Variants in ERCC6 observed in about 807,000 individuals in gnomAD.
ERCC6 encodes the protein DNA excision repair protein ERCC-6.
Under a neutral mutation model 158.7 loss-of-function variants are expected in ERCC6, and 116 were observed. That is an observed-to-expected ratio of 0.73 (90% CI 0.63 to 0.85). ERCC6 has a LOEUF of 0.85. ERCC6 is among the 40% of genes least tolerant of loss of function. ERCC6 has a pLI of 0.00. For missense variants in ERCC6, 1,698 were observed against 1,799.4 expected, an observed-to-expected ratio of 0.94 and a Z score of 1.02; for synonymous variants, 678 against 659.3, an observed-to-expected ratio of 1.03 and a Z score of -0.43.
rs923535659 is a variant in ERCC6, at chr10:49,524,620, GC to G, written c.809del (p.Gly270AlafsTer59). On this transcript the variant is annotated frameshift_variant, in exon 5 of 21. Coordinates refer to ENST00000355832, the MANE Select transcript of ERCC6 (RefSeq NM_000124.4). LOFTEE classifies it high-confidence loss of function. ...PRKIMLNEASGFEKYLADQAK... is the reference protein window; with the variant it reads ...PRKIMLNEASXFEKYLADQAK... ...CTTGATCTGCCAAATACTTTTCGAA[GC>G]CTGATGCTTCATTAAGCATGATTTT... The G allele has an allele frequency of 6.2e-7, 1 of 1,613,996 alleles. No individual in the cohort carries two copies. Among genetic ancestry groups the G allele is most frequent in the African/African-American group, 1.3e-5 (1 of 74,894 alleles).
At chr10:49,537,875 A>G (rs1383745808) in intron 1 of ERCC6, among the ~76,000 whole-genome samples, 1 of 152,194 alleles carries the variant, frequency 6.6e-6, no homozygotes, top group Non-Finnish European at 1.5e-5. Context: ...GGCATATGCC[A>G]TCATGCCCGG....
At position 49,483,446 on chromosome 10, in the gene ERCC6, A is replaced by C; in HGVS notation, c.1892T>G (p.Met631Arg). ...GTCATACCTGCTAATGTCATCCTGCATCAATCGAATGTAGGAGTAAGATGT... is the reference window on the plus strand; with the variant it reads ...GTCATACCTGCTAATGTCATCCTGCCTCAATCGAATGTAGGAGTAAGATGT... The part of the protein sequence containing the change: ...LITSYSYIRL[M>R]QDDISRYDWH... Residue 631 changes from methionine to arginine, a missense_variant, in exon 9 of 21, where the codon ATG becomes AGG. Transcript: ENST00000355832. The C allele has an allele frequency of 6.2e-7, 1 of 1,614,174 alleles. No homozygotes were observed. Among genetic ancestry groups the C allele is most frequent in the Non-Finnish European group, 8.5e-7 (1 of 1,179,994 alleles).
chr10:49,474,512 T>A (rs1850840408), intron 12 of ERCC6, among the ~76,000 whole-genome samples: 1 of 152,180 alleles, frequency 6.6e-6, no homozygotes, highest in South Asian at 2.1e-4. Context: ...GATAATTCAT[T>A]TTCCCTCACT....
intron 18 of ERCC6, among the ~76,000 whole-genome samples, chr10:49,469,683 T>A (rs948729012): frequency 2.0e-5 from 3 of 152,180 alleles, no homozygotes; most frequent in African/African-American, 7.2e-5. Context: ...TGCTAAGGGA[T>A]CACTAAGCAG....
Position 49,532,582 on chromosome 10 carries a change from T to A in ERCC6, c.383A>T (p.Asp128Val). The change falls in exon 2 of 21, where the codon GAC (aspartate) becomes GTC (valine). Residue 128 changes from aspartate (D) to valine (V), a missense_variant. By Grantham distance (152) the Asp-to-Val change is radical. Coordinates refer to ENST00000355832, the MANE Select transcript of ERCC6 (RefSeq NM_000124.4). Reference sequence around the variant, plus strand: ...GACCGACCGATACTCCTTCTCCACGTCAACGAGCTGGGAGGCACGGCTGGC... The same window carrying A: ...GACCGACCGATACTCCTTCTCCACGACAACGAGCTGGGAGGCACGGCTGGC... Reference protein sequence around the residue: ...HEASRASQLVDVEKEYRSVLD... With the variant: ...HEASRASQLVVVEKEYRSVLD... 6.2e-7 allele frequency: 1 copy of A among 1,614,180 alleles called. No homozygotes were observed. Among genetic ancestry groups the A allele is most frequent in the South Asian group, 1.1e-5 (1 of 91,076 alleles).
intron 10 of ERCC6, among the ~76,000 whole-genome samples, chr10:49,481,169 G>A (rs1052516429): frequency 2.0e-5 from 3 of 152,194 alleles, no homozygotes; most frequent in Admixed American, 2.0e-4. Context: ...CATGGAAAGA[G>A]GTGTGGGAGA....
chr10:49,526,478 C>G (rs1431773954), intron 4 of ERCC6, among the ~76,000 whole-genome samples: 1 of 151,952 alleles, frequency 6.6e-6, no homozygotes, highest in Non-Finnish European at 1.5e-5. Flanking sequence ...AGATTTGAGT[C>G]CTTTGATTCA....
chr10:49,512,028 A>G (rs548763487), intron 5 of ERCC6, among the ~76,000 whole-genome samples: 3 of 152,356 alleles, frequency 2.0e-5, no homozygotes, highest in Non-Finnish European at 2.9e-5. Flanking sequence ...TTCAGATGCT[A>G]TAACAGTTGG....
downstream of ERCC6, among the ~76,000 whole-genome samples, chr10:49,452,236 C>G (rs1338199062): frequency 6.6e-6 from 1 of 151,820 alleles, no homozygotes; most frequent in African/African-American, 2.4e-5. Flanking sequence ...GCATTTACAC[C>G]TATAAATTTC....
chr10:49,475,223 C>T, intron 12 of ERCC6: 1 of 300,716 alleles, frequency 3.3e-6, no homozygotes, highest in Non-Finnish European at 6.6e-6. Context: ...GAAGACAGAA[C>T]AAAAAAGGAG....
At chr10:49,527,734 T>C (rs1293129477) in intron 4 of ERCC6, among the ~76,000 whole-genome samples, 1 of 152,232 alleles carries the variant, frequency 6.6e-6, no homozygotes, top group East Asian at 1.9e-4. Flanking sequence ...AATTCTCATC[T>C]TACTGAATAA....
intron 14 of ERCC6, 41 bp downstream of exon 14, chr10:49,473,436 C>T (rs769081218): frequency 3.2e-6 from 4 of 1,262,562 alleles, no homozygotes; most frequent in Non-Finnish European, 3.5e-6. Flanking sequence ...CCTCCACGTA[C>T]AGCAGCACCA....
intron 5 of ERCC6, among the ~76,000 whole-genome samples, chr10:49,520,104 T>C (rs372285026): frequency 4.4e-4 from 67 of 152,358 alleles, no homozygotes; most frequent in African/African-American, 1.5e-3. Context: ...ATATACAAAC[T>C]GCATCAGCCA....
intron 3 of ERCC6, 134 bp from the exon 4 acceptor site, chr10:49,528,659 T>C (rs1837397946): frequency 2.6e-6 from 3 of 1,150,382 alleles, no homozygotes; most frequent in Non-Finnish European, 2.5e-6. Context: ...AAAAATTCCA[T>C]ACATTACTAT....
At chr10:49,500,979 G>A (rs1398403709) in intron 6 of ERCC6, 1 of 362,956 alleles carries the variant, frequency 2.8e-6, no homozygotes, top group East Asian at 5.7e-5. Flanking sequence ...TTCAACATTA[G>A]AAATAGCTTG....
intron 5 of ERCC6, chr10:49,516,703 CG>C: frequency 6.2e-7 from 1 of 1,614,136 alleles, no homozygotes; most frequent in Non-Finnish European, 8.5e-7. Context: ...GTTCTCATTA[CG>C]GTGAAGAAAT....
chr10:49,458,955 T>C lies in ERCC6; in HGVS notation c.4342A>G (p.Arg1448Gly), dbSNP rs1001560000. 5 of 1,614,094 alleles carry C rather than the reference T, an allele frequency of 3.1e-6. No individual in the cohort carries two copies. Among genetic ancestry groups the C allele is most frequent in the Middle Eastern group, 1.6e-4 (1 of 6,084 alleles). ...QAHTDGQASTREILQEFESKL... is the reference protein window; with the variant it reads ...QAHTDGQASTGEILQEFESKL... ...GATTCAAACTCCTGCAGTATCTCCC[T>C]GGTGCTGGCCTGGCCATCAGTGTGG... Residue 1448 changes from arginine to glycine, a missense_variant, in exon 21 of 21, where the codon AGG (arginine) becomes GGG (glycine). By Grantham distance (125) the Arg-to-Gly change is moderately radical. Coordinates refer to ENST00000355832, the MANE Select transcript of ERCC6 (RefSeq NM_000124.4).
In ERCC6 at chr10:49,529,893, A is replaced by C. The variant is rs533644384; in HGVS notation, c.543+827T>G. On this transcript the variant is annotated intron_variant, in intron 3 of 20. Transcript: ENST00000355832. Reference sequence around the variant, plus strand: ...TACATAAATCCTTAAAAAAAGTTTCAAACTTCATAAAAATAATATCCTAAG... The same window carrying C: ...TACATAAATCCTTAAAAAAAGTTTCCAACTTCATAAAAATAATATCCTAAG... Among the ~76,000 whole-genome samples the C allele has an allele frequency of 1.1e-4, 17 of 152,318 alleles. No homozygotes were observed. In the South Asian group the frequency reaches 3.3e-3, roughly 30 times the overall value.
intron 5 of ERCC6, chr10:49,515,827 G>A: frequency 6.2e-7 from 1 of 1,614,144 alleles, no homozygotes; most frequent in Non-Finnish European, 8.5e-7. Context: ...AGACACAGGG[G>A]ATGGATACCA....
Sources: gnomAD v4.1 joint callset for allele counts (sites outside exome capture counted in the v4.1 genomes callset) on GRCh38, gnomAD v4.1.1 for gene constraint, MANE v1.5 for transcripts, NCBI Gene and HGNC (gene_info 2026-07-23, HGNC 2026-07-21) for gene names.